The following MRPL1 variants were observed in gnomAD, a reference collection of about 807,000 sequenced individuals.
MRPL1 encodes the protein mitochondrial ribosomal protein L1, also known as large ribosomal subunit protein uL1m.
Under a neutral mutation model 38.0 loss-of-function variants are expected in MRPL1, and 28 were observed. That is an observed-to-expected ratio of 0.74 (90% CI 0.55 to 1.01). MRPL1 has a LOEUF of 1.01. Ranked by LOEUF, MRPL1 falls within the 50% of genes least tolerant of loss-of-function variation. MRPL1 has a pLI of 0.00. For missense variants in MRPL1, 358 were observed against 389.8 expected, an observed-to-expected ratio of 0.92 and a Z score of 0.69; for synonymous variants, 123 against 126.7, an observed-to-expected ratio of 0.97 and a Z score of 0.20.
At chr4:77,908,583 A>G (rs1342247014) in intron 6 of MRPL1, among the ~76,000 whole-genome samples, 1 of 152,132 alleles carries the variant, frequency 6.6e-6, no homozygotes, top group Non-Finnish European at 1.5e-5. Context: ...TTAATATGTC[A>G]TCTGTGTTTT....
chr4:77,923,896 G>C (rs2110255641), intron 7 of MRPL1, among the ~76,000 whole-genome samples: 1 of 152,158 alleles, frequency 6.6e-6, no homozygotes, highest in South Asian at 2.1e-4. Flanking sequence ...TTGAACCTCA[G>C]GGGCGGAAGC....
chr4:77,882,286 G>T (rs1290966300), intron 2 of MRPL1, among the ~76,000 whole-genome samples: 1 of 151,838 alleles, frequency 6.6e-6, no homozygotes, highest in East Asian at 1.9e-4. Context: ...TCTTTACCTG[G>T]CTAACTCTAT....
At chr4:77,906,886 T>C in intron 6 of MRPL1, 1 of 787,682 alleles carries the variant, frequency 1.3e-6, no homozygotes, top group African/African-American at 1.9e-5. Context: ...ACTGTGATAC[T>C]GAAAAAACTT....
intron 7 of MRPL1, among the ~76,000 whole-genome samples, chr4:77,940,476 TC>T (rs1484856731): frequency 1.3e-5 from 2 of 152,166 alleles, no homozygotes; most frequent in Non-Finnish European, 2.9e-5. Context: ...AGGTATATGA[TC>T]ATATCATCAG....
In MRPL1 at chr4:77,899,595, C is replaced by G. The variant is rs184106071; in HGVS notation, c.670+5345C>G. 4.6e-5 allele frequency among the ~76,000 whole-genome samples: 7 copies of G among 152,156 alleles called. No individual in the cohort carries two copies. The East Asian group carries it at 1.2e-3, about 25-fold the overall frequency. ...TCTTAGTTTTCTCTGTTTCTTGCAACTTCTTTCAGGAGGTAATGTATGCAG... is the reference window on the plus strand; with the variant it reads ...TCTTAGTTTTCTCTGTTTCTTGCAAGTTCTTTCAGGAGGTAATGTATGCAG... On this transcript the variant is annotated intron_variant, in intron 6 of 8. Coordinates refer to ENST00000315567, the MANE Select transcript of MRPL1 (RefSeq NM_020236.4).
Position 77,892,266 on chromosome 4 carries a change from G to A in MRPL1, c.559-1873G>A, listed in dbSNP as rs143730885. On this transcript the variant is annotated intron_variant, in intron 5 of 8. Transcript: ENST00000315567. Reference sequence around the variant, plus strand: ...CCTGAATCTGCCTCCCGAGTAGCTGGGATTACAGGCACCTGCCACCACGCC... The same window carrying A: ...CCTGAATCTGCCTCCCGAGTAGCTGAGATTACAGGCACCTGCCACCACGCC... Among the ~76,000 whole-genome samples the A allele has an allele frequency of 4.2e-3, 640 of 151,940 alleles. 7 individuals are homozygous for A. Among genetic ancestry groups the A allele is most frequent in the African/African-American group, 0.015 (616 of 41,404 alleles).
chr4:77,919,849 A>ATATG (rs34937602), intron 7 of MRPL1, among the ~76,000 whole-genome samples: 21,159 of 149,188 alleles, frequency 0.14, 1,661 homozygotes, highest in South Asian at 0.23. Context: ...ATATATATAT[A>ATATG]TGTGTGTGTG....
At chr4:77,913,283 A>G (rs1736333253) in intron 7 of MRPL1, among the ~76,000 whole-genome samples, 1 of 152,186 alleles carries the variant, frequency 6.6e-6, no homozygotes, top group Admixed American at 6.5e-5. Flanking sequence ...TGATAAATTC[A>G]AAATATATAA....
chr4:77,864,923 C>T (rs1454184061), intron 1 of MRPL1: 3 of 144,294 alleles, frequency 2.1e-5, no homozygotes, highest in Admixed American at 7.0e-5. Flanking sequence ...AGGAATCTTG[C>T]TCTGTCACCC....
chr4:77,870,957 C>G (rs1036826479), intron 1 of MRPL1, among the ~76,000 whole-genome samples: 1 of 152,070 alleles, frequency 6.6e-6, no homozygotes, highest in Non-Finnish European at 1.5e-5. Flanking sequence ...TTCAGAAGTA[C>G]TTGGGCAACT....
chr4:77,926,323 C>A (rs1736711531), intron 7 of MRPL1, among the ~76,000 whole-genome samples: 1 of 152,158 alleles, frequency 6.6e-6, no homozygotes, highest in Non-Finnish European at 1.5e-5. Flanking sequence ...TGCTGAGAAA[C>A]TCCCCTTACC....
chr4:77,884,629 A>G (rs1735631518), intron 3 of MRPL1, among the ~76,000 whole-genome samples: 1 of 152,254 alleles, frequency 6.6e-6, no homozygotes, highest in Non-Finnish European at 1.5e-5. Context: ...GGTTGTTTCA[A>G]AAATAGAGTC....
intron 1 of MRPL1, among the ~76,000 whole-genome samples, chr4:77,865,585 C>T (rs955168025): frequency 2.0e-5 from 3 of 152,012 alleles, no homozygotes; most frequent in Non-Finnish European, 2.9e-5. Flanking sequence ...AGGCTGCTCT[C>T]GAGCTCCTGG....
At position 77,952,369 on chromosome 4, in the gene MRPL1, T is replaced by G. The variant is rs951586486; in HGVS notation, c.860-120T>G. On this transcript the variant is annotated intron_variant, in intron 8 of 8. Coordinates refer to ENST00000315567, the MANE Select transcript of MRPL1 (RefSeq NM_020236.4). ...ACAATTGGTTTCTTTATAAGTTGTTTTGCTTAAAGTTGCAGTTTCCAAGAA... is the reference window on the plus strand; with the variant it reads ...ACAATTGGTTTCTTTATAAGTTGTTGTGCTTAAAGTTGCAGTTTCCAAGAA... 10 of 729,388 alleles carry G rather than the reference T, an allele frequency of 1.4e-5. No individual in the cohort carries two copies. In the African/African-American group the frequency reaches 1.8e-4, roughly 13 times the overall value. The allele number at this position is 729,388 out of a possible 1,614,324, so 45.2% of individuals were successfully genotyped here.
chr4:77,933,448 G>A (rs1296214001), intron 7 of MRPL1, among the ~76,000 whole-genome samples: 2 of 152,166 alleles, frequency 1.3e-5, no homozygotes, highest in East Asian at 3.8e-4. Context: ...GAACCCAGAA[G>A]TACGGGGGAG....
intron 7 of MRPL1, among the ~76,000 whole-genome samples, chr4:77,914,857 CAG>C (rs1736384808): frequency 6.6e-6 from 1 of 152,144 alleles, no homozygotes; most frequent in Non-Finnish European, 1.5e-5. Context: ...ATATCTAGAA[CAG>C]GGGTCAATAA....
intron 8 of MRPL1, among the ~76,000 whole-genome samples, chr4:77,951,144 A>G (rs1203064945): frequency 2.0e-5 from 3 of 152,254 alleles, no homozygotes; most frequent in Non-Finnish European, 2.9e-5. Flanking sequence ...TACTGGGATT[A>G]CAGGTGTGAG....
chr4:77,876,456 T>C (rs1419947724), intron 2 of MRPL1, among the ~76,000 whole-genome samples: 2 of 152,238 alleles, frequency 1.3e-5, no homozygotes, highest in African/African-American at 4.8e-5. Flanking sequence ...CCAAGTTCTA[T>C]TCCAGTATGG....
intron 6 of MRPL1, among the ~76,000 whole-genome samples, chr4:77,907,971 C>T (rs1416920701): frequency 6.6e-6 from 1 of 150,394 alleles, no homozygotes; most frequent in Admixed American, 6.6e-5. Context: ...ATTCTCGGCT[C>T]ACTACAATCT....
Sources: allele counts gnomAD v4.1 joint callset (sites outside exome capture counted in the v4.1 genomes callset), GRCh38; gene constraint gnomAD v4.1.1; transcripts MANE v1.5; gene names NCBI Gene and HGNC (gene_info 2026-07-23, HGNC 2026-07-21).